The following TAF2 variants were observed in gnomAD, a reference collection of about 807,000 sequenced individuals.
TAF2 encodes transcription initiation factor TFIID subunit 2.
A neutral mutation model predicts 138.5 loss-of-function variants in TAF2; 61 were observed. That is an observed-to-expected ratio of 0.44 (90% CI 0.36 to 0.54). The LOEUF is 0.54. TAF2 is among the 20% of genes least tolerant of loss of function. The pLI, the probability that TAF2 is intolerant of heterozygous loss-of-function variation, is 0.00. For synonymous variants in TAF2, 475 were observed against 469.9 expected (o/e 1.01, Z -0.14); for missense variants, 1,090 against 1,427.9 (o/e 0.76, Z 3.81).
chr8:119,811,250 A>C (rs1390006167), intron 3 of TAF2, among the ~76,000 whole-genome samples: 1 of 152,210 alleles, frequency 6.6e-6, no homozygotes. Flanking sequence ...ATATTGAATT[A>C]ATATGATAAT....
intron 11 of TAF2, among the ~76,000 whole-genome samples, chr8:119,790,253 T>C (rs563469406): frequency 6.6e-6 from 1 of 152,002 alleles, no homozygotes; most frequent in Non-Finnish European, 1.5e-5. Context: ...CTGGGCAACA[T>C]AGTGAAACCC....
At chr8:119,803,801 A>T in intron 5 of TAF2, 77 bp downstream of exon 5, 1 of 1,351,900 alleles carries the variant, frequency 7.4e-7, no homozygotes, top group South Asian at 1.3e-5. Flanking sequence ...CTTGTTTTAC[A>T]CCAAATGTAT....
intron 14 of TAF2, among the ~76,000 whole-genome samples, chr8:119,786,050 C>T (rs1586430154): frequency 1.3e-5 from 2 of 152,200 alleles, no homozygotes; most frequent in Non-Finnish European, 2.9e-5. Flanking sequence ...CAGACACTCT[C>T]ATCTATCTGA....
chr8:119,822,414 G>T (rs371953940), intron 2 of TAF2, among the ~76,000 whole-genome samples: 4 of 151,742 alleles, frequency 2.6e-5, no homozygotes, highest in South Asian at 4.2e-4. Flanking sequence ...CTCTAGAGAC[G>T]GGTCTTATCA....
chr8:119,814,737 CAAAAA>C (rs397795248), intron 3 of TAF2, among the ~76,000 whole-genome samples: 1 of 86,488 alleles, frequency 1.2e-5, no homozygotes, highest in African/African-American at 4.9e-5. Context: ...ACCAAAAATA[CAAAAA>C]AAAAAAAAAA....
intron 23 of TAF2, 50 bp downstream of exon 23, chr8:119,746,655 G>T: frequency 6.4e-7 from 1 of 1,565,620 alleles, no homozygotes; most frequent in Non-Finnish European, 8.8e-7. Context: ...CTCTTCTCTA[G>T]ATCCTCTATA....
intron 14 of TAF2, 36 bp from the exon 15 acceptor site, chr8:119,785,302 G>A (rs1822941718): frequency 1.4e-6 from 2 of 1,467,978 alleles, no homozygotes; most frequent in Non-Finnish European, 1.9e-6. Context: ...AAAATTGTGA[G>A]ATTTCTAATT....
At chr8:119,805,630 G>A (rs138611023) in intron 4 of TAF2, among the ~76,000 whole-genome samples, 2,838 of 151,980 alleles carry the variant, frequency 0.019, 88 homozygotes, top group African/African-American at 0.064. Context: ...CCTTGAACTC[G>A]GGAGGCAGAG....
intron 9 of TAF2, 40 bp from the exon 10 acceptor site, chr8:119,793,491 A>C (rs1823590625): frequency 1.3e-6 from 2 of 1,498,316 alleles, no homozygotes; most frequent in Non-Finnish European, 1.8e-6. Context: ...AAAATTTGTA[A>C]AGTAACATTT....
At chr8:119,755,542 A>G (rs1171037955) in intron 22 of TAF2, among the ~76,000 whole-genome samples, 1 of 152,124 alleles carries the variant, frequency 6.6e-6, no homozygotes, top group Non-Finnish European at 1.5e-5. Context: ...AGATATCATG[A>G]TCTCCACAGT....
intron 25 of TAF2, among the ~76,000 whole-genome samples, chr8:119,741,190 A>G (rs777019344): frequency 6.6e-6 from 1 of 152,220 alleles, no homozygotes; most frequent in African/African-American, 2.4e-5. Flanking sequence ...AAAAGTGTTC[A>G]GATTTGCTTC....
At chr8:119,747,129 T>C (rs1308486381) in intron 22 of TAF2, among the ~76,000 whole-genome samples, 195 bp from the exon 23 acceptor site, 1 of 152,194 alleles carries the variant, frequency 6.6e-6, no homozygotes, top group African/African-American at 2.4e-5. Context: ...GCCTTAATTC[T>C]TCCTTTTTAT....
At chr8:119,781,239 C>T (rs1390107882) in intron 16 of TAF2, 46 bp from the exon 17 acceptor site, 2 of 1,608,692 alleles carry the variant, frequency 1.2e-6, no homozygotes, top group Non-Finnish European at 1.7e-6. Flanking sequence ...CCAATGCAAA[C>T]ATACTTTAAA....
intron 25 of TAF2, among the ~76,000 whole-genome samples, chr8:119,735,829 G>A (rs1456739811): frequency 6.6e-6 from 1 of 152,098 alleles, no homozygotes; most frequent in Non-Finnish European, 1.5e-5. Context: ...TATGAATATG[G>A]GAATAGGCCA....
intron 22 of TAF2, among the ~76,000 whole-genome samples, chr8:119,754,685 A>G (rs1820581266): frequency 1.3e-5 from 2 of 152,264 alleles, no homozygotes; most frequent in South Asian, 2.1e-4. Context: ...TGTCTCAAAA[A>G]AAAAAAAAAA....
intron 22 of TAF2, among the ~76,000 whole-genome samples, chr8:119,749,044 T>A (rs1329981346): frequency 6.6e-6 from 1 of 152,362 alleles, no homozygotes; most frequent in Non-Finnish European, 1.5e-5. Flanking sequence ...TGAACTTTTG[T>A]ATGCTGTCGA....
At chr8:119,828,638 G>A (rs1826246996) in intron 2 of TAF2, among the ~76,000 whole-genome samples, 1 of 152,194 alleles carries the variant, frequency 6.6e-6, no homozygotes, top group Non-Finnish European at 1.5e-5. Flanking sequence ...AAAGCAGTAT[G>A]TATCAACTTC....
intron 21 of TAF2, 103 bp downstream of exon 21, chr8:119,757,970 A>G: frequency 5.3e-6 from 5 of 951,672 alleles, no homozygotes; most frequent in South Asian, 4.1e-5. Context: ...AGATATTCCC[A>G]TATTTTCAAA....
intron 20 of TAF2, 188 bp downstream of exon 20, chr8:119,760,411 C>G (rs750654949): frequency 6.2e-6 from 4 of 645,162 alleles, no homozygotes; most frequent in Non-Finnish European, 1.0e-5. Flanking sequence ...TAATTTTATT[C>G]CTTTCCCTCA....
Sources: allele counts gnomAD v4.1 joint callset (sites outside exome capture counted in the v4.1 genomes callset), GRCh38; gene constraint gnomAD v4.1.1; transcripts MANE v1.5; gene names NCBI Gene and HGNC (gene_info 2026-07-23, HGNC 2026-07-21).